The following STAB2 variants were observed in gnomAD, a reference collection of about 807,000 sequenced individuals.
STAB2 encodes the protein stabilin 2.
Under a neutral mutation model 338.1 loss-of-function variants are expected in STAB2, and 288 were observed. The observed-to-expected ratio is 0.85, with a 90% CI of 0.77 to 0.94. The LOEUF (loss-of-function observed/expected upper bound fraction) is 0.94, where lower values mean the gene tolerates loss of function less well. Ranked by LOEUF, STAB2 falls within the 40% of genes least tolerant of loss-of-function variation. The pLI is 0.00. For missense variants in STAB2, 3,141 were observed against 3,210.1 expected (o/e 0.98, Z 0.52); for synonymous variants, 1,202 against 1,193.3 (o/e 1.01, Z -0.15).
At position 103,745,225 on chromosome 12, in the gene STAB2, G is replaced by A. The variant is rs901183171; in HGVS notation, c.6084G>A (p.Gly2028=). 1 of 1,614,048 alleles carries A rather than the reference G, an allele frequency of 6.2e-7. No individual in the cohort carries two copies. The highest frequency in any genetic ancestry group is 1.7e-5 in the Admixed American group (1 of 60,022). The part of the protein sequence containing the change: ...GQCDDGITGS[G]QCLCETGWTG... Reference sequence around the variant, plus strand: ...GCGATGATGGCATCACGGGCTCCGGGCAGTGCCTCTGTGAAACGGGGTGGA... The same window carrying A: ...GCGATGATGGCATCACGGGCTCCGGACAGTGCCTCTGTGAAACGGGGTGGA... The change falls in exon 57 of 69, where the codon GGG becomes GGA. Residue 2028 remains glycine (G), a synonymous_variant. Transcript: ENST00000388887.
At chr12:103,708,031 T>G (rs1365208129) in intron 38 of STAB2, among the ~76,000 whole-genome samples, 1 of 152,188 alleles carries the variant, frequency 6.6e-6, no homozygotes, top group African/African-American at 2.4e-5. Flanking sequence ...GAGGAAGCAG[T>G]GCCACACCAG....
At chr12:103,732,845 G>A (rs1039671052) in intron 50 of STAB2, among the ~76,000 whole-genome samples, 161 bp from the exon 51 acceptor site, 2 of 152,152 alleles carry the variant, frequency 1.3e-5, no homozygotes, top group Admixed American at 1.3e-4. Context: ...TGGTTGGGGT[G>A]TGATGGGCTT....
In STAB2 at chr12:103,677,944, T is replaced by C. The variant is rs76225257; in HGVS notation, c.2805+333T>C. On this transcript the variant is annotated intron_variant, in intron 25 of 68. Transcript: ENST00000388887. ...TTTCTATAGCTCTGCAGTGTATTGA[T>C]CACTTTCACTCACTGTCATTTAATG... is the stretch of plus-strand genomic sequence containing the variant. Among the ~76,000 whole-genome samples the C allele has an allele frequency of 5.6e-3, 847 of 152,278 alleles. 13 individuals carry two copies. Among genetic ancestry groups the C allele is most frequent in the African/African-American group, 0.02 (814 of 41,542 alleles).
In STAB2 at chr12:103,654,676, C is replaced by A. The variant is rs1609860; in HGVS notation, c.1529C>A (p.Pro510His). 0.09 allele frequency: 145,746 copies of A among 1,613,778 alleles called. 7,556 individuals carry two copies. The highest frequency in any genetic ancestry group is 0.16 in the South Asian group (14,802 of 90,994). Residue 510 changes from proline (P) to histidine (H), a missense_variant, in exon 13 of 69, where the codon CCC (proline) becomes CAC (histidine). Physicochemically the swap from Pro to His is moderately conservative, Grantham distance 77 (BLOSUM62 -2). Coordinates refer to ENST00000388887, the MANE Select transcript of STAB2 (RefSeq NM_017564.10). ...ILDRAMDKLE[P>H]TFESNNEQTI... The stretch of plus-strand genomic sequence containing the variant: ...GACAGAGCCATGGACAAGTTAGAAC[C>A]CACATTTGAGAGCAACAATGAGGTG...
chr12:103,602,951 A>C (rs1279608605), intron 3 of STAB2, among the ~76,000 whole-genome samples: 1 of 152,178 alleles, frequency 6.6e-6, no homozygotes, highest in Non-Finnish European at 1.5e-5. Flanking sequence ...CATATCTAGA[A>C]ATCTTTGACC....
intron 3 of STAB2, among the ~76,000 whole-genome samples, chr12:103,617,982 A>G (rs555342758): frequency 1.3e-5 from 2 of 152,342 alleles, no homozygotes; most frequent in African/African-American, 2.4e-5. Flanking sequence ...ACAGATGGAT[A>G]TGACTCCCAC....
chr12:103,752,279 C>T (rs1364974072), intron 60 of STAB2, among the ~76,000 whole-genome samples: 1 of 152,152 alleles, frequency 6.6e-6, no homozygotes, highest in Admixed American at 6.5e-5. Context: ...AATAAAGAGA[C>T]AAGGAACACT....
At chr12:103,734,176 G>A (rs1371032581) in intron 51 of STAB2, among the ~76,000 whole-genome samples, 6 of 129,416 alleles carry the variant, frequency 4.6e-5, no homozygotes, top group Non-Finnish European at 6.5e-5. Context: ...GAGCAAGCAC[G>A]ATCATATAGG....
At chr12:103,723,652 C>T (rs1057299771) in intron 44 of STAB2, among the ~76,000 whole-genome samples, 5 of 152,140 alleles carry the variant, frequency 3.3e-5, no homozygotes, top group Non-Finnish European at 7.3e-5. Context: ...GGCAATGCAC[C>T]GCCAGCCCGG....
chr12:103,614,542 C>T lies in STAB2; in HGVS notation c.332-5926C>T, dbSNP rs192961648. Among the ~76,000 whole-genome samples, 215 of 152,340 alleles carry T rather than the reference C, an allele frequency of 1.4e-3. 1 individual carries two copies. Among genetic ancestry groups the T allele is most frequent in the Middle Eastern group, 0.01 (3 of 294 alleles). On this transcript the variant is annotated intron_variant, in intron 3 of 68. Coordinates refer to ENST00000388887, the MANE Select transcript of STAB2 (RefSeq NM_017564.10). The stretch of plus-strand genomic sequence containing the variant: ...ATGAACAGCACTGGCCTTCCACCAG[C>T]TGCCCAGTGCTACAGGTTTTTCTAG...
At chr12:103,673,234 C>T (rs1281918694) in intron 22 of STAB2, among the ~76,000 whole-genome samples, 1 of 152,184 alleles carries the variant, frequency 6.6e-6, no homozygotes, top group South Asian at 2.1e-4. Flanking sequence ...GCTAAACTCT[C>T]CAACCAGGAA....
At chr12:103,600,812 C>T (rs1956942997) in intron 3 of STAB2, among the ~76,000 whole-genome samples, 1 of 152,240 alleles carries the variant, frequency 6.6e-6, no homozygotes. Context: ...ATGCCTTCAC[C>T]CTTTGCACAG....
At chr12:103,715,003 A>G (rs545834791) in intron 42 of STAB2, among the ~76,000 whole-genome samples, 5 of 152,270 alleles carry the variant, frequency 3.3e-5, no homozygotes, top group Admixed American at 2.0e-4. Flanking sequence ...ATTGTGTTTC[A>G]TTGTCATGTA....
rs1881287849 is a variant in STAB2, at chr12:103,727,306, A to G, written c.4891A>G (p.Thr1631Ala). 6.2e-7 allele frequency: 1 copy of G among 1,614,226 alleles called. No homozygotes were observed. ...VKDLVGPGPF[T>A]VFAPLSAAFD... Reference sequence around the variant, plus strand: ...AGATCTGGTCGGCCCAGGCCCCTTCACTGTTTTTGCACCTTTATCTGCAGC... The same window carrying G: ...AGATCTGGTCGGCCCAGGCCCCTTCGCTGTTTTTGCACCTTTATCTGCAGC... The change falls in exon 47 of 69, where the codon ACT (threonine) becomes GCT (alanine). Residue 1631 changes from threonine to alanine, a missense_variant. Thr to Ala is a moderately conservative substitution (Grantham distance 58). Transcript: ENST00000388887.
rs1051907822 is a variant in STAB2, at chr12:103,742,753, G to A, written c.6031+199G>A. 3.9e-5 allele frequency among the ~76,000 whole-genome samples: 6 copies of A among 152,180 alleles called. No homozygotes were observed. The South Asian group carries it at 1.2e-3, about 32-fold the overall frequency. On this transcript the variant is annotated intron_variant, in intron 56 of 68. Coordinates refer to ENST00000388887, the MANE Select transcript of STAB2 (RefSeq NM_017564.10). The stretch of plus-strand genomic sequence containing the variant: ...CAATGAAAAAGCTTCGCCTCTAGAA[G>A]TGAAACTTGTCCCCAGCAGCCACTA...
At chr12:103,759,344 G>C in intron 65 of STAB2, 71 bp downstream of exon 65, 1 of 1,568,144 alleles carries the variant, frequency 6.4e-7, no homozygotes, top group South Asian at 1.2e-5. Context: ...TACAGTAGGT[G>C]CTTAATAGAT....
rs1020299224 is a variant in STAB2, at chr12:103,706,657, C to T, written c.3997-135C>T. The stretch of plus-strand genomic sequence containing the variant: ...CACCCAGTCCCCAGAGGGTCCTGCC[C>T]CCACCCCTCACCCACTCCATGTGAG... On this transcript the variant is annotated intron_variant, in intron 37 of 68. Coordinates refer to ENST00000388887, the MANE Select transcript of STAB2 (RefSeq NM_017564.10). The T allele has an allele frequency of 9.1e-6, 11 of 1,209,402 alleles. No homozygotes were observed. In the African/African-American group the frequency reaches 1.1e-4, roughly 12 times the overall value. 74.9% of individuals were successfully genotyped at this position (1,209,402 alleles called of 1,614,324 possible). A position where few individuals can be genotyped will look rare whatever the true frequency, so the allele number is the denominator to read the frequency against.
chr12:103,677,584 A>T lies in STAB2; in HGVS notation c.2778A>T (p.Ala926=). The T allele has an allele frequency of 6.2e-7, 1 of 1,613,976 alleles. No homozygotes were observed. The highest frequency in any genetic ancestry group is 1.3e-5 in the African/African-American group (1 of 75,068). The change falls in exon 25 of 69, where the codon GCA becomes GCT. Residue 926 remains alanine (A), a synonymous_variant. Transcript: ENST00000388887. ...LPSAGGCHDN[A]SCLYVGPGQN... ...GTGCAGGCGGCTGCCACGACAACGC[A>T]TCCTGTTTGTATGTGGGTCCCGGGC...
At chr12:103,608,964 T>C (rs1248303820) in intron 3 of STAB2, among the ~76,000 whole-genome samples, 1 of 152,240 alleles carries the variant, frequency 6.6e-6, no homozygotes, top group Non-Finnish European at 1.5e-5. Context: ...CATTTCCTGC[T>C]TTCGTCAGAT....
Sources: gnomAD v4.1 joint callset for allele counts (sites outside exome capture counted in the v4.1 genomes callset) on GRCh38, gnomAD v4.1.1 for gene constraint, MANE v1.5 for transcripts, NCBI Gene and HGNC (gene_info 2026-07-23, HGNC 2026-07-21) for gene names.